Variants in LARP7 observed in about 807,000 individuals in gnomAD.
LARP7 encodes La ribonucleoprotein 7, transcriptional regulator.
A neutral mutation model predicts 69.3 loss-of-function variants in LARP7; 52 were observed. The ratio of observed to expected loss-of-function variants is 0.75; its 90% CI spans 0.60 to 0.95. LARP7 has a LOEUF of 0.95. LARP7 is among the 40% of genes least tolerant of loss of function. The pLI, the probability that LARP7 is intolerant of heterozygous loss-of-function variation, is 0.00. For missense variants in LARP7, 733 were observed against 673.0 expected, an observed-to-expected ratio of 1.09 and a Z score of -0.99; for synonymous variants, 254 against 215.9, an observed-to-expected ratio of 1.18 and a Z score of -1.55.
intron 8 of LARP7, chr4:112,648,319 T>A (rs749880723): frequency 1.9e-6 from 1 of 529,026 alleles, no homozygotes; most frequent in East Asian, 5.5e-5. Flanking sequence ...TAAAACACAA[T>A]AACAAAAAAA....
At chr4:112,656,934 T>G (rs1282392067) in intron 12 of LARP7, among the ~76,000 whole-genome samples, 1 of 152,200 alleles carries the variant, frequency 6.6e-6, no homozygotes, top group African/African-American at 2.4e-5. Context: ...TTGGAATATT[T>G]TAGACATTTT....
intron 9 of LARP7, 93 bp from the exon 10 acceptor site, chr4:112,650,368 G>A: frequency 8.3e-7 from 1 of 1,197,792 alleles, no homozygotes; most frequent in Non-Finnish European, 1.2e-6. Context: ...ATTTAAATCT[G>A]CCTCAGGAAT....
chr4:112,644,589 T>C, intron 1 of LARP7, 79 bp from the exon 2 acceptor site: 2 of 1,184,920 alleles, frequency 1.7e-6, no homozygotes, highest in Non-Finnish European at 2.3e-6. Flanking sequence ...CTCAGACAGT[T>C]AAAGGCTAAT....
At chr4:112,639,878 G>A (rs2047891858) in intron 1 of LARP7, among the ~76,000 whole-genome samples, 1 of 151,966 alleles carries the variant, frequency 6.6e-6, no homozygotes, top group South Asian at 2.1e-4. Context: ...TATAATTATA[G>A]ATTATCAATT....
Position 112,657,562 on chromosome 4 carries a change from GTAAA to G in LARP7, c.*241_*244del, listed in dbSNP as rs1172585493. The G allele has an allele frequency of 7.4e-6, 2 of 270,566 alleles. No homozygotes were observed. Among genetic ancestry groups the G allele is most frequent in the African/African-American group, 4.4e-5 (2 of 45,354 alleles). The allele number at this position is 270,566 out of a possible 1,614,324, so 16.8% of individuals were successfully genotyped here. A position where few individuals can be genotyped will look rare whatever the true frequency, so the allele number is the denominator to read the frequency against. ...TTAGATGTCAGTGTCAGGTGATTTA[GTAAA>G]TAAATGTGTTTTGAACATTATTTGG... On this transcript the variant is annotated 3_prime_UTR_variant, in exon 13 of 13. Transcript: ENST00000344442.
chr4:112,641,396 A>C (rs1312543911), intron 1 of LARP7, among the ~76,000 whole-genome samples: 1 of 152,140 alleles, frequency 6.6e-6, no homozygotes, highest in Non-Finnish European at 1.5e-5. Flanking sequence ...TCAGGGAAAA[A>C]AAAAAAAAGA....
At chr4:112,656,457 C>T (rs1487575581) in intron 12 of LARP7, among the ~76,000 whole-genome samples, 1 of 152,006 alleles carries the variant, frequency 6.6e-6, no homozygotes, top group African/African-American at 2.4e-5. Context: ...TGATGTATCA[C>T]AAAAGATCAA....
Position 112,646,863 on chromosome 4 carries a change from A to G in LARP7, c.460A>G (p.Ile154Val), listed in dbSNP as rs758192482. 18 of 1,607,954 alleles carry G rather than the reference A, an allele frequency of 1.1e-5. No homozygotes were observed. The highest frequency in any genetic ancestry group is 4.0e-5 in the African/African-American group (3 of 74,652). ...VFGKCGNVVY[I>V]SIPHYKSTGD... The stretch of plus-strand genomic sequence containing the variant: ...TGGGAAATGTGGCAATGTTGTTTAT[A>G]TAAGTATACCACATTATAAGTCTAC... Residue 154 changes from isoleucine (I) to valine (V), a missense_variant, in exon 5 of 13, where the codon ATA (isoleucine) becomes GTA (valine). By Grantham distance (29) the Ile-to-Val change is conservative. Transcript: ENST00000344442.
At position 112,646,928 on chromosome 4, in the gene LARP7, A is replaced by AGTTTC; in HGVS notation, c.525_526insGTTTC (p.Lys176ValfsTer31). 6.2e-7 allele frequency: 1 copy of AGTTTC among 1,608,038 alleles called. No individual in the cohort carries two copies. Among genetic ancestry groups the AGTTTC allele is most frequent in the Admixed American group, 1.7e-5 (1 of 58,792 alleles). ...GATTTGCGTTTGTGGAATTTGAAAC[A>AGTTTC]AAAGAACAAGCAGCAAAAGCAATTG... On this transcript the variant is annotated frameshift_variant, in exon 5 of 13. Coordinates refer to ENST00000344442, the MANE Select transcript of LARP7 (RefSeq NM_016648.4). LOFTEE classifies it high-confidence loss of function.
intron 1 of LARP7, among the ~76,000 whole-genome samples, chr4:112,642,754 T>C (rs1298723206): frequency 6.6e-6 from 1 of 152,216 alleles, no homozygotes; most frequent in Non-Finnish European, 1.5e-5. Flanking sequence ...ATGCCTTCCC[T>C]AGATAAGGAC....
At chr4:112,647,940 G>T (rs2048407151) in intron 8 of LARP7, 106 bp downstream of exon 8, 1 of 865,532 alleles carries the variant, frequency 1.2e-6, no homozygotes, top group African/African-American at 1.7e-5. Context: ...CAACAGTAAT[G>T]GCCTGTAGCC....
intron 3 of LARP7, 38 bp from the exon 4 acceptor site, chr4:112,646,547 AAAT>A (rs759052037): frequency 4.8e-5 from 62 of 1,295,050 alleles, no homozygotes; most frequent in African/African-American, 1.4e-4. Flanking sequence ...TTACAATTAT[AAAT>A]AATATTAGTT....
intron 8 of LARP7, 134 bp from the exon 9 acceptor site, chr4:112,649,401 T>A: frequency 3.1e-6 from 2 of 645,612 alleles, no homozygotes; most frequent in Non-Finnish European, 5.0e-6. Flanking sequence ...AGGAAATATT[T>A]TGAATATGTG....
rs369870926 is a variant in LARP7, at chr4:112,644,645, C to T, written c.-2-23C>T. Reference sequence around the variant, plus strand: ...GCTATTGTGGTGATTTAAATATTTACATCTTTTTCTTGTAATTCACAGGAA... The same window carrying T: ...GCTATTGTGGTGATTTAAATATTTATATCTTTTTCTTGTAATTCACAGGAA... On this transcript the variant is annotated intron_variant, in intron 1 of 12. Coordinates refer to ENST00000344442, the MANE Select transcript of LARP7 (RefSeq NM_016648.4). 3.1e-5 allele frequency: 48 copies of T among 1,526,492 alleles called. No individual in the cohort carries two copies. The African/African-American group carries it at 6.1e-4, about 19-fold the overall frequency. 94.6% of individuals were successfully genotyped at this position (1,526,492 alleles called of 1,614,324 possible).
Position 112,646,652 on chromosome 4 carries a change from A to G in LARP7, c.368A>G (p.Asp123Gly). ...CTGGGGGAAAGACCAAAGGATGAGGATGAACGCACAGTGTATGTGGTAAGC... is the reference window on the plus strand; with the variant it reads ...CTGGGGGAAAGACCAAAGGATGAGGGTGAACGCACAGTGTATGTGGTAAGC... ...KPLGERPKDE[D>G]ERTVYVELLP... Residue 123 changes from aspartate (D) to glycine (G), a missense_variant, in exon 4 of 13, where the codon GAT becomes GGT. Transcript: ENST00000344442. 2 of 1,606,508 alleles carry G rather than the reference A, an allele frequency of 1.2e-6. No individual in the cohort carries two copies. Among genetic ancestry groups the G allele is most frequent in the South Asian group, 2.2e-5 (2 of 89,664 alleles).
chr4:112,656,120 T>C (rs2048945017), intron 12 of LARP7, among the ~76,000 whole-genome samples: 8 of 152,154 alleles, frequency 5.3e-5, no homozygotes, highest in Admixed American at 5.2e-4. Flanking sequence ...ATTCACATTA[T>C]GGGGCCAGGC....
intron 1 of LARP7, among the ~76,000 whole-genome samples, chr4:112,641,085 T>A (rs558491854): frequency 8.5e-5 from 13 of 152,066 alleles, no homozygotes; most frequent in African/African-American, 3.1e-4. Context: ...GTAAGGTTTT[T>A]GGACTTTATT....
intron 10 of LARP7, among the ~76,000 whole-genome samples, chr4:112,652,299 C>A: frequency 7.2e-6 from 1 of 139,076 alleles, no homozygotes; most frequent in African/African-American, 2.6e-5. Flanking sequence ...GATTTCCCCC[C>A]CCCCCCCATT....
chr4:112,644,876 GTT>G lies in LARP7; in HGVS notation c.202+7_202+8del. On this transcript the variant is annotated splice_donor_region_variant and intron_variant, in intron 2 of 12. Coordinates refer to ENST00000344442, the MANE Select transcript of LARP7 (RefSeq NM_016648.4). ...TAGAAAAATCTAGAGATGGATGTAA[GTT>G]TGCTTCAGTAAAGGAACCAATTTTT... The G allele has an allele frequency of 1.3e-6, 2 of 1,515,778 alleles. No homozygotes were observed. The highest frequency in any genetic ancestry group is 1.8e-6 in the Non-Finnish European group (2 of 1,124,030). 93.9% of individuals were successfully genotyped at this position (1,515,778 alleles called of 1,614,324 possible).
Sources: allele counts gnomAD v4.1 joint callset (sites outside exome capture counted in the v4.1 genomes callset), GRCh38; gene constraint gnomAD v4.1.1; transcripts MANE v1.5; gene names NCBI Gene and HGNC (gene_info 2026-07-23, HGNC 2026-07-21).